Variants in KCNK2 observed in about 807,000 individuals in gnomAD.
The protein encoded by KCNK2 is potassium two pore domain channel subfamily K member 2.
In KCNK2, 21 loss-of-function variants were observed where a neutral mutation model predicts 40.5. That is an observed-to-expected ratio of 0.52 (90% CI 0.37 to 0.75). The LOEUF (loss-of-function observed/expected upper bound fraction) is 0.75, where lower values mean the gene tolerates loss of function less well. KCNK2 is among the 30% of genes least tolerant of loss of function. The probability of loss-of-function intolerance (pLI) is 0.00; values close to 1 mark genes in which losing one functional copy is unlikely to be tolerated. For synonymous variants in KCNK2, 191 were observed against 202.2 expected, an observed-to-expected ratio of 0.94 and a Z score of 0.47; for missense variants, 399 against 531.6, an observed-to-expected ratio of 0.75 and a Z score of 2.45.
chr1:215,081,156 T>C (rs1463241644), upstream of KCNK2, among the ~76,000 whole-genome samples: 2 of 110,750 alleles, frequency 1.8e-5, no homozygotes, highest in African/African-American at 6.4e-5. Context: ...CCCACACACG[T>C]ACACGCAAAT....
intron 5 of KCNK2, among the ~76,000 whole-genome samples, chr1:215,192,864 G>C (rs1664722595): frequency 6.6e-6 from 1 of 151,890 alleles, no homozygotes; most frequent in African/African-American, 2.4e-5. Context: ...AATTATTTTT[G>C]TCCCAAAAGA....
intron 2 of KCNK2, among the ~76,000 whole-genome samples, chr1:215,102,354 A>G (rs1253193021): frequency 2.6e-5 from 4 of 152,008 alleles, no homozygotes; most frequent in Admixed American, 1.3e-4. Flanking sequence ...AAAAGTAAAA[A>G]ATAAAAATAA....
At chr1:215,182,837 T>G (rs1394744171) in intron 5 of KCNK2, among the ~76,000 whole-genome samples, 1 of 152,176 alleles carries the variant, frequency 6.6e-6, no homozygotes, top group Non-Finnish European at 1.5e-5. Context: ...CTTTTCCCAG[T>G]GCCTTTCCCT....
chr1:215,034,133 A>G (rs1657301556), intron 1 of KCNK2, among the ~76,000 whole-genome samples: 1 of 152,192 alleles, frequency 6.6e-6, no homozygotes, highest in Admixed American at 6.5e-5. Flanking sequence ...ATGGATCTAA[A>G]AAGAGTTGTT....
chr1:215,057,728 T>C (rs1658218847), intron 1 of KCNK2, among the ~76,000 whole-genome samples: 1 of 152,162 alleles, frequency 6.6e-6, no homozygotes, highest in Non-Finnish European at 1.5e-5. Context: ...AAGGGTGCTG[T>C]ACAGCAGTGG....
chr1:215,167,080 G>C (rs1015205165), intron 3 of KCNK2, among the ~76,000 whole-genome samples: 12 of 152,100 alleles, frequency 7.9e-5, no homozygotes, highest in Non-Finnish European at 1.5e-4. Context: ...AGGAGGAAGA[G>C]AAAGATGGAA....
intron 2 of KCNK2, among the ~76,000 whole-genome samples, chr1:215,105,893 T>C (rs1660419551): frequency 6.6e-6 from 1 of 152,114 alleles, no homozygotes; most frequent in South Asian, 2.1e-4. Flanking sequence ...GTGAGTAAGC[T>C]GTGTCCATAC....
intron 5 of KCNK2, among the ~76,000 whole-genome samples, chr1:215,174,734 T>C (rs900610285): frequency 1.3e-5 from 2 of 152,190 alleles, no homozygotes; most frequent in African/African-American, 4.8e-5. Context: ...TTTGAAGCAA[T>C]TGTGAATGGG....
chr1:215,126,901 G>A (rs1661462253), intron 3 of KCNK2, among the ~76,000 whole-genome samples: 1 of 152,068 alleles, frequency 6.6e-6, no homozygotes, highest in Non-Finnish European at 1.5e-5. Context: ...TACTCTTGAG[G>A]TCAACACCAT....
At chr1:215,091,473 G>A (rs1659690882) in intron 2 of KCNK2, among the ~76,000 whole-genome samples, 1 of 152,060 alleles carries the variant, frequency 6.6e-6, no homozygotes, top group Admixed American at 6.6e-5. Context: ...CAGTGATAGT[G>A]GCCTTTAAAA....
At chr1:215,073,903 T>C (rs2363552) in intron 1 of KCNK2, among the ~76,000 whole-genome samples, 144,744 of 152,184 alleles carry the variant, frequency 0.95, 69,264 homozygotes, top group East Asian at 1. Flanking sequence ...CTGGGATGCC[T>C]TTAGGGATGT....
intron 2 of KCNK2, among the ~76,000 whole-genome samples, chr1:215,123,568 G>A (rs961305523): frequency 6.6e-6 from 1 of 152,068 alleles, no homozygotes; most frequent in African/African-American, 2.4e-5. Flanking sequence ...TTTCAGCTAT[G>A]GGTTACCTGT....
At chr1:215,085,762 A>G (rs1330772799) in intron 1 of KCNK2, among the ~76,000 whole-genome samples, 1 of 152,248 alleles carries the variant, frequency 6.6e-6, no homozygotes, top group Admixed American at 6.5e-5. Context: ...AGGCAAAAAG[A>G]CAAGATTCGA....
intron 1 of KCNK2, among the ~76,000 whole-genome samples, chr1:215,064,685 G>C (rs1167835969): frequency 1.3e-5 from 2 of 152,134 alleles, no homozygotes; most frequent in Admixed American, 6.6e-5. Context: ...CCATCTAAGA[G>C]TATCGTCTTC....
intron 2 of KCNK2, among the ~76,000 whole-genome samples, chr1:215,110,454 A>G (rs1660634225): frequency 6.6e-6 from 1 of 151,972 alleles, no homozygotes; most frequent in African/African-American, 2.4e-5. Context: ...TCTCAAAACT[A>G]TTTATTGAAA....
intron 6 of KCNK2, among the ~76,000 whole-genome samples, chr1:215,229,228 G>A (rs568193977): frequency 7.5e-6 from 1 of 132,574 alleles, no homozygotes; most frequent in African/African-American, 2.8e-5. Flanking sequence ...TTTTTTGAAT[G>A]TGAATGATTA....
chr1:215,030,625 C>T (rs1400511758), intron 1 of KCNK2, among the ~76,000 whole-genome samples: 1 of 151,914 alleles, frequency 6.6e-6, no homozygotes, highest in African/African-American at 2.4e-5. Flanking sequence ...GCTTCGACCT[C>T]CCAGGCTCAA....
At chr1:215,125,245 C>T (rs1045158753) in intron 3 of KCNK2, among the ~76,000 whole-genome samples, 4 of 151,546 alleles carry the variant, frequency 2.6e-5, no homozygotes, top group African/African-American at 9.7e-5. Context: ...TTATATTTTG[C>T]CCGTAGCACA....
chr1:215,131,779 A>G (rs1661693269), intron 3 of KCNK2, among the ~76,000 whole-genome samples: 3 of 151,922 alleles, frequency 2.0e-5, no homozygotes, highest in Non-Finnish European at 4.4e-5. Flanking sequence ...CATTTCTCAT[A>G]TTTTCAAATG....
Sources: gnomAD v4.1 joint callset for allele counts (sites outside exome capture counted in the v4.1 genomes callset) on GRCh38, gnomAD v4.1.1 for gene constraint, MANE v1.5 for transcripts, NCBI Gene and HGNC (gene_info 2026-07-23, HGNC 2026-07-21) for gene names.